Variants in CDH12 observed in about 807,000 individuals in gnomAD.
The protein encoded by CDH12 is cadherin 12, also known as cadherin-12.
CDH12 carries 41 observed loss-of-function variants against 74.1 expected under a neutral mutation model. That is an observed-to-expected ratio of 0.55 (90% CI 0.43 to 0.72). The LOEUF (loss-of-function observed/expected upper bound fraction) is 0.72. CDH12 is among the 30% of genes least tolerant of loss of function. The pLI is 0.00. For synonymous variants in CDH12, 399 were observed against 355.0 expected, an observed-to-expected ratio of 1.12 and a Z score of -1.39; for missense variants, 945 against 977.2, an observed-to-expected ratio of 0.97 and a Z score of 0.44.
intron 1 of CDH12, among the ~76,000 whole-genome samples, chr5:22,690,864 C>A (rs990657677): frequency 3.3e-5 from 5 of 151,988 alleles, no homozygotes; most frequent in Non-Finnish European, 7.4e-5. Flanking sequence ...TTCACTATTT[C>A]TCATGAGACA....
chr5:22,291,881 C>A (rs1263302872), intron 3 of CDH12, among the ~76,000 whole-genome samples: 1 of 151,968 alleles, frequency 6.6e-6, no homozygotes, highest in Admixed American at 6.6e-5. Flanking sequence ...TCATAAAAGA[C>A]CCCAAATAGC....
intron 4 of CDH12, among the ~76,000 whole-genome samples, chr5:22,154,109 CA>C (rs201274222): frequency 6.7e-6 from 1 of 148,158 alleles, no homozygotes; most frequent in African/African-American, 2.5e-5. Flanking sequence ...GGTGTAATGA[CA>C]AAAAAATTGA....
intron 6 of CDH12, among the ~76,000 whole-genome samples, chr5:21,898,401 T>TA (rs1301510479): frequency 6.6e-6 from 1 of 151,890 alleles, no homozygotes; most frequent in Non-Finnish European, 1.5e-5. Flanking sequence ...AAATTTCTTT[T>TA]AAAAAATCTA....
intron 3 of CDH12, among the ~76,000 whole-genome samples, chr5:22,245,543 G>T (rs1752914958): frequency 1.3e-5 from 2 of 151,834 alleles, no homozygotes; most frequent in South Asian, 4.2e-4. Context: ...CAAATGATAG[G>T]GCACAGTTTG....
chr5:22,769,744 T>TG (rs1035863683), intron 1 of CDH12, among the ~76,000 whole-genome samples: 4 of 151,934 alleles, frequency 2.6e-5, no homozygotes, highest in Non-Finnish European at 4.4e-5. Flanking sequence ...ATGGATATAA[T>TG]GGGGGAGTGG....
At chr5:22,452,149 C>T (rs1008083195) in intron 2 of CDH12, among the ~76,000 whole-genome samples, 28 of 151,712 alleles carry the variant, frequency 1.8e-4, no homozygotes, top group African/African-American at 6.3e-4. Context: ...CCATACTATC[C>T]AAAGTGACAT....
chr5:22,100,169 A>T (rs973364942), intron 4 of CDH12, among the ~76,000 whole-genome samples: 1 of 152,108 alleles, frequency 6.6e-6, no homozygotes, highest in African/African-American at 2.4e-5. Flanking sequence ...ATTTCTAAAA[A>T]CCAAGAAAAT....
intron 1 of CDH12, among the ~76,000 whole-genome samples, chr5:22,566,681 C>A (rs940378573): frequency 6.6e-6 from 1 of 152,082 alleles, no homozygotes; most frequent in African/African-American, 2.4e-5. Flanking sequence ...TGCTGGTTAG[C>A]GTCCGGAATT....
chr5:22,421,615 C>A (rs113257803), intron 2 of CDH12, among the ~76,000 whole-genome samples: 1,750 of 152,224 alleles, frequency 0.011, 27 homozygotes, highest in African/African-American at 0.04. Flanking sequence ...GGTTCCAAGT[C>A]TTTGCTATTG....
intron 6 of CDH12, among the ~76,000 whole-genome samples, chr5:21,937,931 C>T (rs1344793634): frequency 6.6e-6 from 1 of 152,154 alleles, no homozygotes; most frequent in Non-Finnish European, 1.5e-5. Flanking sequence ...AATTGTCTTC[C>T]TTCTGATTCA....
At chr5:22,742,374 G>C (rs532874595) in intron 1 of CDH12, among the ~76,000 whole-genome samples, 22 of 152,258 alleles carry the variant, frequency 1.4e-4, no homozygotes, top group African/African-American at 4.8e-4. Context: ...AGAAAACCAA[G>C]GGAGAATAGC....
intron 5 of CDH12, among the ~76,000 whole-genome samples, chr5:22,004,802 C>T (rs1334778736): frequency 6.6e-6 from 1 of 152,082 alleles, no homozygotes; most frequent in Non-Finnish European, 1.5e-5. Context: ...CATCTCCCTC[C>T]TATCCTCCCC....
chr5:22,156,788 C>T (rs1258010980), intron 4 of CDH12, among the ~76,000 whole-genome samples: 1 of 152,086 alleles, frequency 6.6e-6, no homozygotes, highest in Non-Finnish European at 1.5e-5. Flanking sequence ...AATTGCTGTG[C>T]CATTTTTCAC....
intron 3 of CDH12, among the ~76,000 whole-genome samples, chr5:22,239,546 A>G (rs1752675990): frequency 6.6e-6 from 1 of 152,222 alleles, no homozygotes; most frequent in African/African-American, 2.4e-5. Context: ...ACTGCATTTT[A>G]GGAGAAAAAT....
At chr5:22,420,567 T>A (rs1743601418) in intron 2 of CDH12, among the ~76,000 whole-genome samples, 2 of 152,216 alleles carry the variant, frequency 1.3e-5, no homozygotes, top group African/African-American at 4.8e-5. Flanking sequence ...GCTGTTTTGG[T>A]TACTCTTGCC....
At chr5:21,795,323 A>G (rs1746721949) in intron 10 of CDH12, among the ~76,000 whole-genome samples, 1 of 151,804 alleles carries the variant, frequency 6.6e-6, no homozygotes, top group Non-Finnish European at 1.5e-5. Flanking sequence ...TTTCTCAGAT[A>G]TTTTTCTAGA....
intron 4 of CDH12, among the ~76,000 whole-genome samples, chr5:22,130,119 T>A (rs6452058): frequency 6.7e-6 from 1 of 148,516 alleles, no homozygotes. Flanking sequence ...CTCACAAAAA[T>A]ACTCAAAATA....
chr5:22,279,700 A>G (rs1736793516), intron 3 of CDH12, among the ~76,000 whole-genome samples: 1 of 152,198 alleles, frequency 6.6e-6, no homozygotes. Flanking sequence ...TACGAAGGAC[A>G]TGAACTCATC....
At chr5:22,418,806 C>T (rs1743509600) in intron 2 of CDH12, among the ~76,000 whole-genome samples, 1 of 152,048 alleles carries the variant, frequency 6.6e-6, no homozygotes, top group Non-Finnish European at 1.5e-5. Flanking sequence ...ATTGCTTGAA[C>T]CTGGGAGGCG....
Sources: allele counts gnomAD v4.1 joint callset (sites outside exome capture counted in the v4.1 genomes callset), GRCh38; gene constraint gnomAD v4.1.1; transcripts MANE v1.5; gene names NCBI Gene and HGNC (gene_info 2026-07-23, HGNC 2026-07-21).